The following PLIN5 variants were observed in gnomAD, a reference collection of about 807,000 sequenced individuals.
PLIN5 encodes the protein perilipin 5.
Under a neutral mutation model 32.8 loss-of-function variants are expected in PLIN5, and 34 were observed. The ratio of observed to expected loss-of-function variants is 1.04; its 90% CI spans 0.79 to 1.38. The LOEUF (loss-of-function observed/expected upper bound fraction) is 1.38, where lower values mean the gene tolerates loss of function less well. Among genes scored for constraint, PLIN5 ranks in the 40% most tolerant of loss-of-function variants. The pLI is 0.00. For synonymous variants in PLIN5, 309 were observed against 292.9 expected, an observed-to-expected ratio of 1.05 and a Z score of -0.56; for missense variants, 712 against 660.5, an observed-to-expected ratio of 1.08 and a Z score of -0.85.
At chr19:4,529,523 C>CATATACATATATACTTATACGTAT (rs761100017) in intron 4 of PLIN5, 5,209 of 502,404 alleles carry the variant, frequency 0.01, 107 homozygotes, top group Non-Finnish European at 0.012. Context: ...TATATATACA[C>CATATACATATATACTTATACGTAT]ATATACATAT....
intron 2 of PLIN5, chr19:4,533,739 A>G: frequency 3.7e-6 from 2 of 543,644 alleles, no homozygotes; most frequent in Non-Finnish European, 6.5e-6. Context: ...AGACAGAAGG[A>G]TACAGGTGGA....
rs376635614 is a variant in PLIN5 at position 4,531,747 on chromosome 19, C to T, written c.136G>A (p.Ala46Thr). 1.1e-5 allele frequency: 17 copies of T among 1,601,968 alleles called. No homozygotes were observed. The highest frequency in any genetic ancestry group is 1.3e-5 in the Non-Finnish European group (15 of 1,176,844). The change falls in exon 3 of 8, where the codon GCC becomes ACC. Residue 46 changes from alanine (A) to threonine (T), a missense_variant. Coordinates refer to ENST00000381848, the MANE Select transcript of PLIN5 (RefSeq NM_001013706.3). ...CCCAGCAGCGGGTGCCTGTCCTTGG[C>T]TGCACTGTAAACATCGCAGACCGCG... ...CTAVCDVYSA[A>T]KDRHPLLGSA...
intron 4 of PLIN5, chr19:4,529,509 C>CTT: frequency 1.9e-6 from 1 of 518,874 alleles, no homozygotes; most frequent in Non-Finnish European, 3.4e-6. Context: ...TACATATATA[C>CTT]ATGTATATAT....
Position 4,525,513 on chromosome 19 carries a change from G to C in PLIN5, c.720+120C>G. 5 of 1,225,258 alleles carry C rather than the reference G, an allele frequency of 4.1e-6. No individual in the cohort carries two copies. Among genetic ancestry groups the C allele is most frequent in the Non-Finnish European group, 5.7e-6 (5 of 881,036 alleles). 75.9% of individuals were successfully genotyped at this position (1,225,258 alleles called of 1,614,324 possible). ...CCAGCCCTGAACACATGCAGCTGGA[G>C]ACAGCTGCACCCAGCTCCGCCTCCT... On this transcript the variant is annotated intron_variant, in intron 6 of 7. Coordinates refer to ENST00000381848, the MANE Select transcript of PLIN5 (RefSeq NM_001013706.3). This position sits in a 1 kb window ranked among gnomAD's most constrained non-coding sequence, Gnocchi z 5.6.
chr19:4,529,524 A>G (rs1976853274), intron 4 of PLIN5: 1 of 464,578 alleles, frequency 2.2e-6, no homozygotes, highest in Non-Finnish European at 3.6e-6. Flanking sequence ...ATATATACAC[A>G]TATACATATA....
In PLIN5 at chr19:4,529,610, TACACACACACACACACACAC is replaced by T. The variant is rs56850019; in HGVS notation, c.339+154_339+173del. On this transcript the variant is annotated intron_variant, in intron 4 of 7. Coordinates refer to ENST00000381848, the MANE Select transcript of PLIN5 (RefSeq NM_001013706.3). Reference sequence around the variant, plus strand: ...CACTATACGTATATACATATATGTATACACACACACACACACACACACACACACACACACACACACGTTGC... The same window carrying T: ...CACTATACGTATATACATATATGTATACACACACACACACACACACGTTGC... The T allele has an allele frequency of 1.7e-3, 746 of 431,910 alleles. 1 individual carries two copies. The highest frequency in any genetic ancestry group is 2.3e-3 in the Middle Eastern group (4 of 1,710). 26.8% of individuals were successfully genotyped at this position (431,910 alleles called of 1,614,324 possible).
chr19:4,531,838 G>C lies in PLIN5; in HGVS notation c.61-16C>G. On this transcript the variant is annotated splice_polypyrimidine_tract_variant and intron_variant, in intron 2 of 7. Transcript: ENST00000381848. ...GCACCACGTTCTGCGGGAAGGGTCG[G>C]CATCAGGGGGACCCTGGGGGAAGTG... The C allele has an allele frequency of 1.3e-6, 2 of 1,518,338 alleles. No individual in the cohort carries two copies. Among genetic ancestry groups the C allele is most frequent in the Non-Finnish European group, 1.8e-6 (2 of 1,132,230 alleles). 94.1% of individuals were successfully genotyped at this position (1,518,338 alleles called of 1,614,324 possible).
chr19:4,530,672 A>G (rs761849865), intron 3 of PLIN5, among the ~76,000 whole-genome samples: 10 of 152,034 alleles, frequency 6.6e-5, no homozygotes, highest in Non-Finnish European at 1.3e-4. Context: ...CCAGGGGATC[A>G]GATTTATTTA....
At position 4,523,743 on chromosome 19, in the gene PLIN5, C is replaced by T. The variant is rs763220937; in HGVS notation, c.1177G>A (p.Ala393Thr). Residue 393 changes from alanine to threonine, a missense_variant, in exon 8 of 8, where the codon GCG (alanine) becomes ACG (threonine). By Grantham distance (58) the Ala-to-Thr change is moderately conservative (BLOSUM62 0). Transcript: ENST00000381848. This position sits in a 1 kb window ranked among gnomAD's most constrained non-coding sequence, Gnocchi z 5.0. ...CCGATGACCTCGTCCACCAGGTCCGCCAGGTCGGGCAGGGGCTCGGGTCGC... is the reference window on the plus strand; with the variant it reads ...CCGATGACCTCGTCCACCAGGTCCGTCAGGTCGGGCAGGGGCTCGGGTCGC... ...VERPEPLPDL[A>T]DLVDEVIGGP... 1.2e-6 allele frequency: 2 copies of T among 1,600,910 alleles called. No individual in the cohort carries two copies.
rs760284492 is a variant in PLIN5, at chr19:4,525,826, A to C, written c.527T>G (p.Leu176Arg). Residue 176 changes from leucine to arginine, a missense_variant, in exon 6 of 8, where the codon CTG becomes CGG. By Grantham distance (102) the Leu-to-Arg change is moderately radical. Coordinates refer to ENST00000381848, the MANE Select transcript of PLIN5 (RefSeq NM_001013706.3). This position sits in a 1 kb window ranked among gnomAD's most constrained non-coding sequence, Gnocchi z 5.6. ...LPMTEEELAA[L>R]AAEAEGPEVG... Reference sequence around the variant, plus strand: ...TTCAGGGCCTTCAGCCTCAGCCGCCAGTGCCGCTGGAGGACAGGATACGGG... The same window carrying C: ...TTCAGGGCCTTCAGCCTCAGCCGCCCGTGCCGCTGGAGGACAGGATACGGG... 3.1e-6 allele frequency: 5 copies of C among 1,611,654 alleles called. No homozygotes were observed. Among genetic ancestry groups the C allele is most frequent in the Non-Finnish European group, 4.2e-6 (5 of 1,179,350 alleles).
At position 4,525,694 on chromosome 19, in the gene PLIN5, A is replaced by C; in HGVS notation, c.659T>G (p.Leu220Arg). 6.2e-7 allele frequency: 1 copy of C among 1,613,736 alleles called. No homozygotes were observed. The highest frequency in any genetic ancestry group is 1.1e-5 in the South Asian group (1 of 91,064). Residue 220 changes from leucine (L) to arginine (R), a missense_variant, in exon 6 of 8, where the codon CTG becomes CGG. Physicochemically the swap from Leu to Arg is moderately radical, Grantham distance 102 (BLOSUM62 -2). Transcript: ENST00000381848. The surrounding 1 kb of genome is among the most constrained non-coding windows in gnomAD (Gnocchi z 5.6). The stretch of plus-strand genomic sequence containing the variant: ...CTGGGCACGGTGTTTGCTCTGCCTC[A>C]GTTTCCCCACAGAGTGCTCGTAGGC... ...HLAYEHSVGK[L>R]RQSKHRAQDT... is the part of the protein sequence containing the mutation.
At chr19:4,526,771 T>A (rs1324013738) in intron 5 of PLIN5, among the ~76,000 whole-genome samples, 2 of 151,156 alleles carry the variant, frequency 1.3e-5, no homozygotes, top group African/African-American at 4.9e-5. Flanking sequence ...GGCAGGAGGA[T>A]CAATTGAGCT....
chr19:4,525,719 C>G lies in PLIN5; in HGVS notation c.634G>C (p.Ala212Pro). The change falls in exon 6 of 8, where the codon GCC becomes CCC. Residue 212 changes from alanine (A) to proline (P), a missense_variant. Ala to Pro is a conservative substitution (Grantham distance 27, BLOSUM62 -1). Coordinates refer to ENST00000381848, the MANE Select transcript of PLIN5 (RefSeq NM_001013706.3). The surrounding 1 kb of genome is among the most constrained non-coding windows in gnomAD (Gnocchi z 5.6). ...AGTTTCCCCACAGAGTGCTCGTAGG[C>G]CAGGTGGCGGATCCGTGCTGACAGG... Reference protein sequence around the residue: ...GSLSARIRHLAYEHSVGKLRQ... With the variant: ...GSLSARIRHLPYEHSVGKLRQ... 6.2e-7 allele frequency: 1 copy of G among 1,613,754 alleles called. No individual in the cohort carries two copies. The highest frequency in any genetic ancestry group is 8.5e-7 in the Non-Finnish European group (1 of 1,180,036).
At position 4,523,973 on chromosome 19, in the gene PLIN5, A is replaced by G; in HGVS notation, c.947T>C (p.Val316Ala). ...ATCCACACTGCGCCGCACCTCAGCC[A>G]CCTTCTCCTGGGCGCCGGCGGGCAG... is the stretch of plus-strand genomic sequence containing the variant. ...RGLPAGAQEK[V>A]AEVRRSVDAL... Residue 316 changes from valine (V) to alanine (A), a missense_variant, in exon 8 of 8, where the codon GTG (valine) becomes GCG (alanine). Transcript: ENST00000381848. The surrounding 1 kb of genome is among the most constrained non-coding windows in gnomAD (Gnocchi z 5.0). 1 of 1,526,432 alleles carries G rather than the reference A, an allele frequency of 6.6e-7. No homozygotes were observed. Among genetic ancestry groups the G allele is most frequent in the Non-Finnish European group, 8.7e-7 (1 of 1,143,996 alleles). 94.6% of individuals were successfully genotyped at this position (1,526,432 alleles called of 1,614,324 possible).
rs1280047508 is a variant in PLIN5, at chr19:4,525,846, T to C, written c.521-14A>G. 1 of 1,559,898 alleles carries C rather than the reference T, an allele frequency of 6.4e-7. No homozygotes were observed. Among genetic ancestry groups the C allele is most frequent in the East Asian group, 2.3e-5 (1 of 43,292 alleles). ...CCGCCAGTGCCGCTGGAGGACAGGA[T>C]ACGGGGACAGCACGGGGACAGGATA... On this transcript the variant is annotated splice_polypyrimidine_tract_variant and intron_variant, in intron 5 of 7. Transcript: ENST00000381848. The surrounding 1 kb of genome is among the most constrained non-coding windows in gnomAD (Gnocchi z 5.6).
rs369891770 is a variant in PLIN5, at chr19:4,523,898, G to A, written c.1022C>T (p.Ala341Val). Residue 341 changes from alanine to valine, a missense_variant, in exon 8 of 8, where the codon GCG (alanine) becomes GTG (valine). By Grantham distance (64) the Ala-to-Val change is moderately conservative. Coordinates refer to ENST00000381848, the MANE Select transcript of PLIN5 (RefSeq NM_001013706.3). This position sits in a 1 kb window ranked among gnomAD's most constrained non-coding sequence, Gnocchi z 5.0. ...ADARCFRDVPAAALAEGRGRV... is the reference protein window; with the variant it reads ...ADARCFRDVPVAALAEGRGRV... ...ACCCCGGCCCTCGGCCAGCGCGGCC[G>A]CTGGCACGTCCCTGAAGCAGCGGGC... 485 of 1,517,186 alleles carry A rather than the reference G, an allele frequency of 3.2e-4. No homozygotes were observed. Among genetic ancestry groups the A allele is most frequent in the East Asian group, 9.3e-4 (37 of 39,658 alleles). 94.0% of individuals were successfully genotyped at this position (1,517,186 alleles called of 1,614,324 possible).
chr19:4,530,504 G>A (rs1237116937), intron 3 of PLIN5, among the ~76,000 whole-genome samples: 2 of 152,028 alleles, frequency 1.3e-5, no homozygotes, highest in African/African-American at 4.8e-5. Context: ...CGGAGGCTGC[G>A]GGGCTTAGGA....
rs1976744167 is a variant in PLIN5 at position 4,522,577 on chromosome 19, G to T, written c.*951C>A. 6.6e-6 allele frequency: 1 copy of T among 152,394 alleles called. No individual in the cohort carries two copies. The highest frequency in any genetic ancestry group is 1.9e-4 in the East Asian group (1 of 5,186). 9.4% of individuals were successfully genotyped at this position (152,394 alleles called of 1,614,324 possible). A position where few individuals can be genotyped will look rare whatever the true frequency, so the allele number is the denominator to read the frequency against. ...TTATTCTGGAGGCAAATCCCAAACA[G>T]CAAAGCAAGCGAGTATGGCAGGCTG... On this transcript the variant is annotated 3_prime_UTR_variant, in exon 8 of 8. Transcript: ENST00000381848.
intron 3 of PLIN5, among the ~76,000 whole-genome samples, chr19:4,531,357 G>T (rs1489973894): frequency 6.6e-6 from 1 of 151,744 alleles, no homozygotes; most frequent in Non-Finnish European, 1.5e-5. Context: ...TGCTCTGGCT[G>T]GTCTTGAACT....
Sources: allele counts gnomAD v4.1 joint callset (sites outside exome capture counted in the v4.1 genomes callset), GRCh38; gene constraint gnomAD v4.1.1; non-coding constraint Gnocchi (gnomAD v3.1); transcripts MANE v1.5; gene names NCBI Gene and HGNC (gene_info 2026-07-23, HGNC 2026-07-21).